BIN2: variants seen among roughly 807,000 people sequenced by gnomAD.
The protein encoded by BIN2 is breast cancer associated protein BRAP1.
A neutral mutation model predicts 67.9 loss-of-function variants in BIN2; 43 were observed. The ratio of observed to expected loss-of-function variants is 0.63; its 90% CI spans 0.50 to 0.82. The LOEUF is 0.82. BIN2 is among the 40% of genes least tolerant of loss of function. BIN2 has a pLI of 0.00. For missense variants in BIN2, 581 were observed against 671.6 expected, an observed-to-expected ratio of 0.87 and a Z score of 1.49; for synonymous variants, 244 against 246.8, an observed-to-expected ratio of 0.99 and a Z score of 0.11.
intron 2 of BIN2, among the ~76,000 whole-genome samples, chr12:51,307,738 T>C (rs963179898): frequency 6.6e-6 from 1 of 151,728 alleles, no homozygotes; most frequent in African/African-American, 2.4e-5. Flanking sequence ...CCTTGCACAA[T>C]TTGTACAAAT....
chr12:51,302,527 T>C, intron 4 of BIN2, 159 bp downstream of exon 4: 1 of 669,068 alleles, frequency 1.5e-6, no homozygotes, highest in East Asian at 2.6e-5. Context: ...CCTTAACAGT[T>C]GTAGCTTCTT....
chr12:51,321,155 GT>G (rs1946269891), intron 1 of BIN2, among the ~76,000 whole-genome samples: 1 of 152,178 alleles, frequency 6.6e-6, no homozygotes, highest in Non-Finnish European at 1.5e-5. Flanking sequence ...TCAGCAGGAA[GT>G]GGGGGAGGCA....
chr12:51,301,459 G>A (rs1046524936), intron 5 of BIN2, among the ~76,000 whole-genome samples: 1 of 151,994 alleles, frequency 6.6e-6, no homozygotes, highest in African/African-American at 2.4e-5. Context: ...CCTCTAACTT[G>A]GATCTAATTC....
At chr12:51,296,349 T>G (rs1385372972) in intron 8 of BIN2, among the ~76,000 whole-genome samples, 1 of 151,860 alleles carries the variant, frequency 6.6e-6, no homozygotes, top group African/African-American at 2.4e-5. Flanking sequence ...ACAAAAAAAT[T>G]AGCTGGGCGT....
intron 5 of BIN2, among the ~76,000 whole-genome samples, chr12:51,300,636 T>C (rs1945697837): frequency 6.6e-6 from 1 of 152,220 alleles, no homozygotes; most frequent in African/African-American, 2.4e-5. Context: ...CTATAAATTA[T>C]ACCAGTGAGA....
chr12:51,294,344 G>A (rs892700022), intron 9 of BIN2, among the ~76,000 whole-genome samples: 6 of 152,158 alleles, frequency 3.9e-5, no homozygotes, highest in African/African-American at 1.2e-4. Flanking sequence ...CAAGGCGGGC[G>A]GATCACGAGG....
chr12:51,321,823 A>G (rs538046859), intron 1 of BIN2, among the ~76,000 whole-genome samples: 1 of 152,374 alleles, frequency 6.6e-6, no homozygotes, highest in East Asian at 1.9e-4. Flanking sequence ...TGCTTGCAGA[A>G]AAAGCAAAAA....
intron 11 of BIN2, among the ~76,000 whole-genome samples, chr12:51,287,146 AT>A (rs1001947781): frequency 6.7e-6 from 1 of 150,264 alleles, no homozygotes; most frequent in East Asian, 2.0e-4. Context: ...TTTTTATTAA[AT>A]TTTTTTTAAA....
At chr12:51,289,230 GTCTT>G (rs1256545161) in intron 10 of BIN2, among the ~76,000 whole-genome samples, 2 of 148,794 alleles carry the variant, frequency 1.3e-5, no homozygotes, top group African/African-American at 4.9e-5. Flanking sequence ...TTAAAAAAAA[GTCTT>G]TATATGTAGT....
chr12:51,292,572 GA>G (rs1204178322), intron 9 of BIN2, among the ~76,000 whole-genome samples: 2 of 152,128 alleles, frequency 1.3e-5, no homozygotes, highest in Non-Finnish European at 2.9e-5. Context: ...AGACTGGAAA[GA>G]AACACTGCAA....
At chr12:51,299,474 C>T (rs1188440479) in intron 6 of BIN2, 133 bp downstream of exon 6, 1 of 1,024,044 alleles carries the variant, frequency 9.8e-7, no homozygotes, top group Non-Finnish European at 1.5e-6. Flanking sequence ...TCAGAAGAAA[C>T]AGATTTCCTT....
chr12:51,284,694 T>G, intron 12 of BIN2, 22 bp downstream of exon 12: 1 of 1,570,178 alleles, frequency 6.4e-7, no homozygotes, highest in East Asian at 2.2e-5. Context: ...GCCCAATCTA[T>G]TCTCTGTATA....
intron 8 of BIN2, among the ~76,000 whole-genome samples, 179 bp downstream of exon 8, chr12:51,296,910 T>C (rs1945580795): frequency 6.6e-6 from 1 of 152,194 alleles, no homozygotes; most frequent in Non-Finnish European, 1.5e-5. Context: ...CCTCGGATAG[T>C]GTATATATGT....
intron 12 of BIN2, among the ~76,000 whole-genome samples, chr12:51,284,007 A>T (rs565782535): frequency 7.5e-6 from 1 of 133,936 alleles, no homozygotes; most frequent in East Asian, 2.2e-4. Context: ...AAAAAAAAAA[A>T]GAAAAGAAAA....
At chr12:51,302,582 TG>T in intron 4 of BIN2, 103 bp downstream of exon 4, 1 of 951,382 alleles carries the variant, frequency 1.1e-6, no homozygotes. Context: ...CAGTGTGAAC[TG>T]GCTCCTTTGT....
intron 2 of BIN2, among the ~76,000 whole-genome samples, chr12:51,313,552 G>A (rs1409226645): frequency 1.3e-5 from 2 of 151,888 alleles, no homozygotes; most frequent in Non-Finnish European, 2.9e-5. Flanking sequence ...TGTTGGCCAG[G>A]ATGGTCTCAA....
At chr12:51,298,168 T>C (rs7973807) in intron 7 of BIN2, among the ~76,000 whole-genome samples, 78,909 of 151,672 alleles carry the variant, frequency 0.52, 20,663 homozygotes, top group Non-Finnish European at 0.57. Context: ...GGTCAGGAGA[T>C]TGAGACCATC....
At chr12:51,295,415 G>T (rs1428505858) in intron 9 of BIN2, among the ~76,000 whole-genome samples, 10 of 136,184 alleles carry the variant, frequency 7.3e-5, no homozygotes, top group African/African-American at 1.1e-4. Context: ...AAAAAAAAAT[G>T]AGCCGGGCGT....
intron 7 of BIN2, among the ~76,000 whole-genome samples, chr12:51,298,083 T>C (rs1945618518): frequency 6.6e-6 from 1 of 151,650 alleles, no homozygotes; most frequent in South Asian, 2.1e-4. Flanking sequence ...TGTCAAAAAA[T>C]ACAAAAATGG....
Sources: gnomAD v4.1 joint callset for allele counts (sites outside exome capture counted in the v4.1 genomes callset) on GRCh38, gnomAD v4.1.1 for gene constraint, MANE v1.5 for transcripts, NCBI Gene and HGNC (gene_info 2026-07-23, HGNC 2026-07-21) for gene names.